Variants in PDGFC observed in about 807,000 individuals in gnomAD.
PDGFC encodes the protein platelet-derived growth factor C.
A neutral mutation model predicts 35.5 loss-of-function variants in PDGFC; 12 were observed. The observed-to-expected ratio is 0.34, with a 90% CI of 0.22 to 0.55. The LOEUF is 0.55. Among genes scored for constraint, PDGFC ranks in the 20% least tolerant of loss-of-function variants. The probability of loss-of-function intolerance (pLI) is 0.91; values close to 1 mark genes in which losing one functional copy is unlikely to be tolerated. For missense variants in PDGFC, 322 were observed against 412.4 expected (o/e 0.78, Z 1.90); for synonymous variants, 159 against 148.8 (o/e 1.07, Z -0.50).
chr4:156,873,515 C>A (rs1368915531), intron 1 of PDGFC, among the ~76,000 whole-genome samples: 1 of 152,188 alleles, frequency 6.6e-6, no homozygotes, highest in East Asian at 1.9e-4. Context: ...ATTCAGTATA[C>A]ATAAATCGCA....
chr4:156,929,172 CA>C (rs1731489325), intron 1 of PDGFC, among the ~76,000 whole-genome samples: 1 of 152,032 alleles, frequency 6.6e-6, no homozygotes, highest in Admixed American at 6.6e-5. Flanking sequence ...AAAAATTGTG[CA>C]AAATGGCAAC....
At chr4:156,768,444 A>G (rs954921012) in intron 4 of PDGFC, among the ~76,000 whole-genome samples, 3 of 152,110 alleles carry the variant, frequency 2.0e-5, no homozygotes, top group Admixed American at 2.0e-4. Context: ...GTGAAGAACA[A>G]TTTATTGAAA....
chr4:156,812,908 C>T (rs10021504), intron 2 of PDGFC, among the ~76,000 whole-genome samples: 9,701 of 152,098 alleles, frequency 0.064, 1,011 homozygotes, highest in African/African-American at 0.22. Context: ...ACCTTGGAAG[C>T]TTAAAAGCAG....
chr4:156,915,807 A>T (rs931938475), intron 1 of PDGFC, among the ~76,000 whole-genome samples: 1 of 152,096 alleles, frequency 6.6e-6, no homozygotes. Context: ...GAAAATCACA[A>T]AGTTTCATAA....
intron 1 of PDGFC, among the ~76,000 whole-genome samples, chr4:156,921,121 T>C (rs1327754769): frequency 6.6e-6 from 1 of 152,208 alleles, no homozygotes; most frequent in Non-Finnish European, 1.5e-5. Flanking sequence ...CAATTTTAAG[T>C]TGTTTTCTTC....
chr4:156,816,598 C>T (rs1732093903), intron 2 of PDGFC, among the ~76,000 whole-genome samples: 1 of 152,044 alleles, frequency 6.6e-6, no homozygotes, highest in South Asian at 2.1e-4. Context: ...AACACTTTTC[C>T]TCCATCCAGT....
chr4:156,793,975 G>C (rs1327535211), intron 3 of PDGFC, among the ~76,000 whole-genome samples: 1 of 152,096 alleles, frequency 6.6e-6, no homozygotes. Context: ...TAACTGAGGA[G>C]CTACTAATAC....
At chr4:156,908,089 C>A (rs926414969) in intron 1 of PDGFC, among the ~76,000 whole-genome samples, 1 of 152,104 alleles carries the variant, frequency 6.6e-6, no homozygotes, top group African/African-American at 2.4e-5. Flanking sequence ...TCACTTGAAC[C>A]CAGGAAGCGG....
intron 1 of PDGFC, among the ~76,000 whole-genome samples, chr4:156,920,690 C>T (rs957923488): frequency 4.6e-4 from 63 of 135,794 alleles, no homozygotes; most frequent in Admixed American, 1.4e-3. Flanking sequence ...CACACACACA[C>T]ATATACACAC....
At chr4:156,892,148 T>G (rs1269277358) in intron 1 of PDGFC, among the ~76,000 whole-genome samples, 1 of 152,044 alleles carries the variant, frequency 6.6e-6, no homozygotes, top group East Asian at 1.9e-4. Flanking sequence ...CTAATTTTTA[T>G]AAAATGAGGG....
intron 1 of PDGFC, among the ~76,000 whole-genome samples, chr4:156,922,239 A>G (rs767389228): frequency 1.1e-4 from 17 of 151,866 alleles, no homozygotes; most frequent in Non-Finnish European, 2.4e-4. Flanking sequence ...GTTCCTGCAC[A>G]AAGTATGCAT....
chr4:156,866,907 T>C (rs1179534362), intron 1 of PDGFC, among the ~76,000 whole-genome samples: 1 of 152,168 alleles, frequency 6.6e-6, no homozygotes, highest in East Asian at 1.9e-4. Context: ...CTAATCTTCC[T>C]TGGAGTCAGA....
At chr4:156,887,892 A>T (rs1027150702) in intron 1 of PDGFC, among the ~76,000 whole-genome samples, 2 of 151,462 alleles carry the variant, frequency 1.3e-5, no homozygotes, top group Non-Finnish European at 1.5e-5. Context: ...AGTCCCAGGT[A>T]CTTGGGAGGC....
chr4:156,933,964 G>C (rs1731616459), intron 1 of PDGFC, among the ~76,000 whole-genome samples: 1 of 152,140 alleles, frequency 6.6e-6, no homozygotes, highest in African/African-American at 2.4e-5. Flanking sequence ...AAATTACCCA[G>C]TCTCAGGTAG....
chr4:156,933,970 GGTA>G (rs1305655850), intron 1 of PDGFC, among the ~76,000 whole-genome samples: 1 of 152,130 alleles, frequency 6.6e-6, no homozygotes, highest in Non-Finnish European at 1.5e-5. Flanking sequence ...CCCAGTCTCA[GGTA>G]GTTCTTTATA....
At chr4:156,881,198 T>C (rs868724256) in intron 1 of PDGFC, among the ~76,000 whole-genome samples, 7 of 152,182 alleles carry the variant, frequency 4.6e-5, no homozygotes, top group Admixed American at 2.0e-4. Context: ...GCCATTAACA[T>C]TGAGGCAAAA....
intron 4 of PDGFC, among the ~76,000 whole-genome samples, chr4:156,769,258 T>C (rs1730628348): frequency 6.6e-6 from 1 of 151,932 alleles, no homozygotes; most frequent in African/African-American, 2.4e-5. Flanking sequence ...CACGATGTAA[T>C]CCAATTTTTT....
intron 1 of PDGFC, among the ~76,000 whole-genome samples, chr4:156,923,238 C>T (rs1420646711): frequency 6.6e-6 from 1 of 152,156 alleles, no homozygotes; most frequent in Non-Finnish European, 1.5e-5. Context: ...CTTCACCAGG[C>T]TGACCTGGTC....
At chr4:156,933,294 T>C (rs1434534323) in intron 1 of PDGFC, among the ~76,000 whole-genome samples, 1 of 152,230 alleles carries the variant, frequency 6.6e-6, no homozygotes, top group Non-Finnish European at 1.5e-5. Context: ...GTAGATTCCA[T>C]ATTGGTGAAT....
Sources: gnomAD v4.1 joint callset for allele counts (sites outside exome capture counted in the v4.1 genomes callset) on GRCh38, gnomAD v4.1.1 for gene constraint, MANE v1.5 for transcripts, NCBI Gene and HGNC (gene_info 2026-07-23, HGNC 2026-07-21) for gene names.